Variants in DCN observed in about 807,000 individuals in gnomAD.
The protein encoded by DCN is decorin, also known as bone proteoglycan II.
DCN carries 17 observed loss-of-function variants against 36.5 expected under a neutral mutation model. That is an observed-to-expected ratio of 0.47 (90% CI 0.32 to 0.70). The LOEUF (loss-of-function observed/expected upper bound fraction) is 0.70. Among genes scored for constraint, DCN ranks in the 30% least tolerant of loss-of-function variants. The pLI, the probability that DCN is intolerant of heterozygous loss-of-function variation, is 0.04. For synonymous variants in DCN, 163 were observed against 161.4 expected (o/e 1.01, Z -0.07); for missense variants, 389 against 430.1 (o/e 0.90, Z 0.84).
intron 7 of DCN, among the ~76,000 whole-genome samples, chr12:91,150,196 C>T (rs1430052845): frequency 6.6e-6 from 1 of 152,074 alleles, no homozygotes; most frequent in Non-Finnish European, 1.5e-5. Flanking sequence ...ATAATACTGT[C>T]ATATGACTAG....
At chr12:91,164,544 A>G in intron 3 of DCN, 61 bp downstream of exon 3, 1 of 861,944 alleles carries the variant, frequency 1.2e-6, no homozygotes. Flanking sequence ...TTATCTAGGT[A>G]GTGTTTTGAA....
Position 91,143,583 on chromosome 12 carries a change from C to T in DCN, c.*2475G>A, listed in dbSNP as rs926911976. The T allele has an allele frequency of 1.3e-5, 2 of 152,054 alleles. No homozygotes were observed. Among genetic ancestry groups the T allele is most frequent in the Non-Finnish European group, 2.9e-5 (2 of 68,014 alleles). The allele number at this position is 152,054 out of a possible 1,614,324, so 9.4% of individuals were successfully genotyped here. A position where few individuals can be genotyped will look rare whatever the true frequency, so the allele number is the denominator to read the frequency against. ...ACCATAGTTGAGCCCTTTCCATTTA[C>T]TCTACTTTGATCTATAAGTTATATT... On this transcript the variant is annotated 3_prime_UTR_variant, in exon 8 of 8. Coordinates refer to ENST00000052754, the MANE Select transcript of DCN (RefSeq NM_001920.5).
intron 1 of DCN, among the ~76,000 whole-genome samples, chr12:91,181,767 C>G (rs1868413827): frequency 6.6e-6 from 1 of 151,810 alleles, no homozygotes; most frequent in African/African-American, 2.4e-5. Context: ...AATTAAAATC[C>G]TACAGCACTA....
At chr12:91,158,536 T>TTTAAATCC (rs1189467670) in intron 3 of DCN, 27 bp from the exon 4 acceptor site, 3 of 1,212,130 alleles carry the variant, frequency 2.5e-6, no homozygotes, top group Non-Finnish European at 3.7e-6. Context: ...AAAACATCTC[T>TTTAAATCC]TTAAATCCAA....
chr12:91,150,866 G>C (rs368252075), intron 7 of DCN: 11 of 152,150 alleles, frequency 7.2e-5, no homozygotes, highest in East Asian at 5.8e-4. Context: ...ATGATAGACT[G>C]GATAAAGGAA....
intron 2 of DCN, among the ~76,000 whole-genome samples, chr12:91,174,050 G>A (rs1262694323): frequency 1.3e-5 from 2 of 152,190 alleles, no homozygotes; most frequent in South Asian, 2.1e-4. Context: ...AAAATTAAAT[G>A]TGTTTCATCT....
At chr12:91,161,494 G>T (rs1592691824) in intron 3 of DCN, among the ~76,000 whole-genome samples, 1 of 152,190 alleles carries the variant, frequency 6.6e-6, no homozygotes, top group African/African-American at 2.4e-5. Flanking sequence ...TTAAACTTAT[G>T]CCAACAGTAG....
At position 91,158,315 on chromosome 12, in the gene DCN, C is replaced by G; in HGVS notation, c.519G>C (p.Leu173=). The G allele has an allele frequency of 6.2e-7, 1 of 1,606,868 alleles. No individual in the cohort carries two copies. Among genetic ancestry groups the G allele is most frequent in the Non-Finnish European group, 8.5e-7 (1 of 1,173,376 alleles). ...CTGTACCTATGACAATCATCTGGTT[C>G]AGTCCATTGAAAGTAACTTTTCGCA... ...TKVRKVTFNG[L]NQMIVIELGT... The change falls in exon 4 of 8, where the codon CTG becomes CTC. Residue 173 remains leucine, a synonymous_variant. Coordinates refer to ENST00000052754, the MANE Select transcript of DCN (RefSeq NM_001920.5).
rs1883420218 is a variant in DCN, at chr12:91,178,334, C to T, written c.211+8G>A. On this transcript the variant is annotated splice_region_variant and intron_variant, in intron 2 of 7. Coordinates refer to ENST00000052754, the MANE Select transcript of DCN (RefSeq NM_001920.5). ...AAGGTAGGTAAAGAGAAACTGCATC[C>T]CACTCACCCAAATCAGAACACTGGA... 6.2e-7 allele frequency: 1 copy of T among 1,611,278 alleles called. No individual in the cohort carries two copies. Among genetic ancestry groups the T allele is most frequent in the South Asian group, 1.1e-5 (1 of 91,014 alleles).
In DCN at chr12:91,153,196, T is replaced by G. The variant is rs764222300; in HGVS notation, c.653-7A>C. The G allele has an allele frequency of 6.6e-7, 1 of 1,526,354 alleles. No homozygotes were observed. The highest frequency in any genetic ancestry group is 1.1e-5 in the South Asian group (1 of 89,302). 94.6% of individuals were successfully genotyped at this position (1,526,354 alleles called of 1,614,324 possible). A position where few individuals can be genotyped will look rare whatever the true frequency, so the allele number is the denominator to read the frequency against. On this transcript the variant is annotated splice_region_variant and splice_polypyrimidine_tract_variant and intron_variant, in intron 5 of 7. Coordinates refer to ENST00000052754, the MANE Select transcript of DCN (RefSeq NM_001920.5). ...GTAAGGGAAGGAGGAAGACCTGGAATGTGGAATTAAAGATGTTAAATTAGC... is the reference window on the plus strand; with the variant it reads ...GTAAGGGAAGGAGGAAGACCTGGAAGGTGGAATTAAAGATGTTAAATTAGC...
At position 91,146,243 on chromosome 12, in the gene DCN, G is replaced by C. The variant is rs568933237; in HGVS notation, c.895C>G (p.Leu299Val). The C allele has an allele frequency of 6.3e-7, 1 of 1,599,920 alleles. No homozygotes were observed. Among genetic ancestry groups the C allele is most frequent in the African/African-American group, 1.3e-5 (1 of 74,488 alleles). The change falls in exon 8 of 8, where the codon CTT becomes GTT. Residue 299 changes from leucine (L) to valine (V), a missense_variant. By Grantham distance (32) the Leu-to-Val change is conservative. Transcript: ENST00000052754. ...ACTACAGAGATATTGTTGTTATGAA[G>C]GTAGACAACCTACAACATGAAACGA... ...AEHKYIQVVYLHNNNISVVGS... is the reference protein window; with the variant it reads ...AEHKYIQVVYVHNNNISVVGS...
rs373147917 is a variant in DCN, at chr12:91,151,827, C to T, written c.747-35G>A. 1.1e-5 allele frequency: 18 copies of T among 1,612,654 alleles called. 1 individual carries two copies. The highest frequency in any genetic ancestry group is 3.3e-5 in the South Asian group (3 of 90,950). On this transcript the variant is annotated intron_variant, in intron 6 of 7. Coordinates refer to ENST00000052754, the MANE Select transcript of DCN (RefSeq NM_001920.5). ...AAAGCAGAAATGAAAGCAAACACCA[C>T]ACATGGATGCCTTTCTTACAAGCAT...
At chr12:91,152,810 A>G (rs1881518204) in intron 6 of DCN, among the ~76,000 whole-genome samples, 1 of 152,182 alleles carries the variant, frequency 6.6e-6, no homozygotes, top group Admixed American at 6.5e-5. Flanking sequence ...TTAAATGCAC[A>G]TATTGATTTA....
In DCN at chr12:91,146,180, T is replaced by C; in HGVS notation, c.958A>G (p.Lys320Glu). 2 of 1,613,706 alleles carry C rather than the reference T, an allele frequency of 1.2e-6. No individual in the cohort carries two copies. The highest frequency in any genetic ancestry group is 1.7e-6 in the Non-Finnish European group (2 of 1,179,704). The change falls in exon 8 of 8, where the codon AAA becomes GAA. Residue 320 changes from lysine (K) to glutamate (E), a missense_variant. Physicochemically the swap from Lys to Glu is moderately conservative, Grantham distance 56. Transcript: ENST00000052754. ...CTCACACCCGAATAAGAAGCCTTTTTGGTGTTGTGTCCAGGTGGGCAGAAG... is the reference window on the plus strand; with the variant it reads ...CTCACACCCGAATAAGAAGCCTTTTCGGTGTTGTGTCCAGGTGGGCAGAAG... ...SDFCPPGHNTKKASYSGVSLF... is the reference protein window; with the variant it reads ...SDFCPPGHNTEKASYSGVSLF...
At chr12:91,147,321 C>T (rs975907713) in intron 7 of DCN, among the ~76,000 whole-genome samples, 2 of 152,170 alleles carry the variant, frequency 1.3e-5, no homozygotes, top group Non-Finnish European at 1.5e-5. Flanking sequence ...TCATGTAAGT[C>T]GTTTTTTCTT....
At chr12:91,174,187 G>A (rs1370501247) in intron 2 of DCN, among the ~76,000 whole-genome samples, 2 of 152,090 alleles carry the variant, frequency 1.3e-5, no homozygotes, top group Non-Finnish European at 2.9e-5. Flanking sequence ...TTGGTTTGGA[G>A]AACATTCAAT....
intron 7 of DCN, chr12:91,151,342 C>T: frequency 4.5e-6 from 1 of 220,486 alleles, no homozygotes; most frequent in Non-Finnish European, 9.1e-6. Flanking sequence ...TTTTATTTTA[C>T]TTGTGGCTTC....
Position 91,146,239 on chromosome 12 carries a change from T to C in DCN, c.899A>G (p.His300Arg). The C allele has an allele frequency of 1.2e-6, 2 of 1,605,506 alleles. No individual in the cohort carries two copies. Among genetic ancestry groups the C allele is most frequent in the Non-Finnish European group, 1.7e-6 (2 of 1,172,490 alleles). ...EHKYIQVVYL[H>R]NNNISVVGSS... ...TCCAACTACAGAGATATTGTTGTTA[T>C]GAAGGTAGACAACCTACAACATGAA... Residue 300 changes from histidine (H) to arginine (R), a missense_variant, in exon 8 of 8, where the codon CAT (histidine) becomes CGT (arginine). Transcript: ENST00000052754.
At chr12:91,177,577 G>A (rs1257277957) in intron 2 of DCN, 1 of 702,166 alleles carries the variant, frequency 1.4e-6, no homozygotes, top group Admixed American at 2.0e-5. Context: ...TCTTTCTGGA[G>A]ATTTATCTTC....
Sources: allele counts gnomAD v4.1 joint callset (sites outside exome capture counted in the v4.1 genomes callset), GRCh38; gene constraint gnomAD v4.1.1; transcripts MANE v1.5; gene names NCBI Gene and HGNC (gene_info 2026-07-23, HGNC 2026-07-21).